MAML3: variants seen among roughly 807,000 people sequenced by gnomAD.
MAML3 encodes mastermind-like protein 3.
MAML3 carries 27 observed loss-of-function variants against 101.9 expected under a neutral mutation model. That is an observed-to-expected ratio of 0.27 (90% confidence interval 0.20 to 0.37). The LOEUF (loss-of-function observed/expected upper bound fraction) is 0.37. Ranked by LOEUF, MAML3 falls within the 10% of genes least tolerant of loss-of-function variation. MAML3 has a pLI of 1.00. For synonymous variants in MAML3, 501 were observed against 555.9 expected, an observed-to-expected ratio of 0.90 and a Z score of 1.39; for missense variants, 1,316 against 1,444.9, an observed-to-expected ratio of 0.91 and a Z score of 1.45.
At chr4:140,089,430 T>G (rs776586627) in intron 1 of MAML3, among the ~76,000 whole-genome samples, 1 of 152,226 alleles carries the variant, frequency 6.6e-6, no homozygotes, top group African/African-American at 2.4e-5. Context: ...TCATGTTCTT[T>G]CTTTCATTAG....
chr4:140,051,107 T>C (rs952617418), intron 1 of MAML3, among the ~76,000 whole-genome samples: 9 of 152,212 alleles, frequency 5.9e-5, no homozygotes, highest in African/African-American at 2.2e-4. Context: ...TCTGAAGGCA[T>C]AGCAAAAATT....
intron 1 of MAML3, among the ~76,000 whole-genome samples, chr4:139,895,016 G>A (rs1732581577): frequency 6.6e-6 from 1 of 152,204 alleles, no homozygotes; most frequent in Non-Finnish European, 1.5e-5. Context: ...CTCTGTTCCA[G>A]GTCATGCAAT....
chr4:139,916,559 G>A (rs1182291865), intron 1 of MAML3, among the ~76,000 whole-genome samples: 1 of 152,166 alleles, frequency 6.6e-6, no homozygotes, highest in East Asian at 1.9e-4. Flanking sequence ...AACCAATCCT[G>A]CTCGTAAGCA....
At chr4:140,085,188 T>C (rs1257847872) in intron 1 of MAML3, among the ~76,000 whole-genome samples, 1 of 152,200 alleles carries the variant, frequency 6.6e-6, no homozygotes, top group Non-Finnish European at 1.5e-5. Context: ...AAATGCCTGT[T>C]GTCTCATCTG....
intron 1 of MAML3, among the ~76,000 whole-genome samples, chr4:140,113,151 T>C (rs900348081): frequency 3.3e-5 from 5 of 151,726 alleles, no homozygotes; most frequent in Non-Finnish European, 7.4e-5. Context: ...TGGTGGCGGG[T>C]GCCTGTAGTC....
chr4:139,892,741 C>T (rs1732526769), intron 1 of MAML3, among the ~76,000 whole-genome samples: 1 of 151,762 alleles, frequency 6.6e-6, no homozygotes, highest in Admixed American at 6.6e-5. Flanking sequence ...CTGGCAAACA[C>T]GGTGAAACCC....
At chr4:139,957,574 T>C (rs1327445077) in intron 1 of MAML3, among the ~76,000 whole-genome samples, 3 of 152,202 alleles carry the variant, frequency 2.0e-5, no homozygotes, top group Admixed American at 6.5e-5. Context: ...AGCCTTAGTG[T>C]TTACAGTGTT....
At chr4:139,876,517 G>A (rs910419422) in intron 2 of MAML3, among the ~76,000 whole-genome samples, 2 of 152,168 alleles carry the variant, frequency 1.3e-5, no homozygotes, top group Non-Finnish European at 2.9e-5. Context: ...GATGTGAATC[G>A]CCTCCTGTTC....
chr4:139,815,066 G>A (rs776953673), intron 2 of MAML3, among the ~76,000 whole-genome samples: 11 of 152,160 alleles, frequency 7.2e-5, no homozygotes, highest in Non-Finnish European at 1.6e-4. Flanking sequence ...GACCACATGA[G>A]AGCCAAAACC....
At chr4:140,054,652 T>C (rs1445112449) in intron 1 of MAML3, among the ~76,000 whole-genome samples, 1 of 152,232 alleles carries the variant, frequency 6.6e-6, no homozygotes, top group Non-Finnish European at 1.5e-5. Flanking sequence ...TCCACATCTA[T>C]GACAGTATGG....
chr4:139,883,359 A>C (rs1202377458), intron 2 of MAML3, among the ~76,000 whole-genome samples: 2 of 152,246 alleles, frequency 1.3e-5, no homozygotes, highest in Admixed American at 6.5e-5. Context: ...CACCCTGCCC[A>C]AAAGGGCAAT....
chr4:139,815,915 T>G (rs2111117159), intron 2 of MAML3, among the ~76,000 whole-genome samples: 1 of 152,214 alleles, frequency 6.6e-6, no homozygotes, highest in Middle Eastern at 3.4e-3. Context: ...TAAATAATAC[T>G]TCTAACGCTT....
chr4:140,011,383 G>C (rs1726560139), intron 1 of MAML3, among the ~76,000 whole-genome samples: 1 of 123,120 alleles, frequency 8.1e-6, no homozygotes, highest in Non-Finnish European at 1.7e-5. Context: ...TGTCGCCCAG[G>C]CCGGACTGCG....
chr4:140,052,992 A>G (rs1467982137), intron 1 of MAML3, among the ~76,000 whole-genome samples: 1 of 152,158 alleles, frequency 6.6e-6, no homozygotes, highest in Non-Finnish European at 1.5e-5. Context: ...ATAAAGCCCA[A>G]TATCCAGTAT....
chr4:139,731,766 A>G (rs1175966676), intron 2 of MAML3, among the ~76,000 whole-genome samples: 2 of 152,204 alleles, frequency 1.3e-5, no homozygotes, highest in Non-Finnish European at 1.5e-5. Context: ...CAAGTGGTAA[A>G]GACCTAATTC....
At position 139,860,583 on chromosome 4, in the gene MAML3, C is replaced by T. The variant is rs183923958; in HGVS notation, c.2079+28774G>A. Among the ~76,000 whole-genome samples the T allele has an allele frequency of 3.3e-5, 5 of 152,324 alleles. No homozygotes were observed. The East Asian group carries it at 9.6e-4, about 29-fold the overall frequency. Reference sequence around the variant, plus strand: ...AAACCTCAGGAAAGGCGGGCTTTGTCCACCGTCCTGCACCCACTTAGGCAG... The same window carrying T: ...AAACCTCAGGAAAGGCGGGCTTTGTTCACCGTCCTGCACCCACTTAGGCAG... On this transcript the variant is annotated intron_variant, in intron 2 of 4. Coordinates refer to ENST00000509479, the MANE Select transcript of MAML3 (RefSeq NM_018717.5).
chr4:140,120,430 G>A (rs181677442), intron 1 of MAML3, among the ~76,000 whole-genome samples: 200 of 152,216 alleles, frequency 1.3e-3, no homozygotes, highest in African/African-American at 4.6e-3. Flanking sequence ...AAAAGGCTTC[G>A]TATCATTCTT....
chr4:139,955,324 A>AC (rs1238209177), intron 1 of MAML3, among the ~76,000 whole-genome samples: 1 of 129,892 alleles, frequency 7.7e-6, no homozygotes, highest in Non-Finnish European at 1.6e-5. Context: ...GGAAAACTTT[A>AC]CTTTTTTTTT....
At chr4:140,062,750 A>G (rs1727468096) in intron 1 of MAML3, among the ~76,000 whole-genome samples, 1 of 152,210 alleles carries the variant, frequency 6.6e-6, no homozygotes, top group African/African-American at 2.4e-5. Context: ...AGGAATGGGA[A>G]AAGCACCGCT....
Sources: allele counts gnomAD v4.1 joint callset (sites outside exome capture counted in the v4.1 genomes callset), GRCh38; gene constraint gnomAD v4.1.1; transcripts MANE v1.5; gene names NCBI Gene and HGNC (gene_info 2026-07-23, HGNC 2026-07-21).